Variants in MTA3 observed in about 807,000 individuals in gnomAD.
MTA3 encodes the protein metastasis associated 1 family member 3, also known as metastasis-associated protein MTA3.
In MTA3, 34 loss-of-function variants were observed where a neutral mutation model predicts 83.5. That is an observed-to-expected ratio of 0.41 (90% CI 0.31 to 0.54). The LOEUF (loss-of-function observed/expected upper bound fraction) is 0.54, where lower values mean the gene tolerates loss of function less well. MTA3 is among the 20% of genes least tolerant of loss of function. MTA3 has a pLI of 0.33. For missense variants in MTA3, 761 were observed against 726.4 expected (o/e 1.05, Z -0.55); for synonymous variants, 303 against 252.7 (o/e 1.20, Z -1.89).
Position 42,609,557 on chromosome 2 carries a change from A to G in MTA3, c.290A>G (p.Tyr97Cys), listed in dbSNP as rs1277536681. The part of the protein sequence containing the change: ...KHRELFLSRQ[Y>C]ESLPATHIRG... ...AGGGAACTCTTTTTGTCACGCCAGT[A>G]TGAATCTCTGCCCGCAACACATATC... The change falls in exon 4 of 17, where the codon TAT becomes TGT. Residue 97 changes from tyrosine to cysteine, a missense_variant. Coordinates refer to ENST00000405094, the MANE Select transcript of MTA3 (RefSeq NM_001330442.2). The G allele has an allele frequency of 3.1e-6, 5 of 1,613,886 alleles. No homozygotes were observed. Among genetic ancestry groups the G allele is most frequent in the East Asian group, 2.2e-5 (1 of 44,872 alleles).
chr2:42,674,832 C>T (rs983716287), intron 8 of MTA3, among the ~76,000 whole-genome samples: 2 of 151,524 alleles, frequency 1.3e-5, no homozygotes, highest in Non-Finnish European at 2.9e-5. Flanking sequence ...CTCTTGACCT[C>T]GTGATGATCT....
intron 3 of MTA3, among the ~76,000 whole-genome samples, chr2:42,605,799 C>T (rs1373009877): frequency 1.6e-5 from 2 of 125,532 alleles, no homozygotes; most frequent in Non-Finnish European, 3.4e-5. Context: ...CGGGCAGAGG[C>T]GCCCCTCAGC....
At chr2:42,497,881 A>T (rs1674216760) in intron 2 of MTA3, among the ~76,000 whole-genome samples, 2 of 152,208 alleles carry the variant, frequency 1.3e-5, no homozygotes, top group African/African-American at 4.8e-5. Context: ...GGTTCTAAAT[A>T]AACACAGATT....
intron 16 of MTA3, among the ~76,000 whole-genome samples, chr2:42,728,787 C>G (rs541054419): frequency 6.6e-6 from 1 of 152,084 alleles, no homozygotes; most frequent in Non-Finnish European, 1.5e-5. Flanking sequence ...CACCTTTTGC[C>G]CATTTTTAAT....
intron 9 of MTA3, among the ~76,000 whole-genome samples, chr2:42,695,264 G>A (rs757841843): frequency 2.0e-4 from 31 of 152,102 alleles, no homozygotes; most frequent in Non-Finnish European, 3.8e-4. Flanking sequence ...CGTTTGCTAA[G>A]GATTAATTTT....
chr2:42,651,836 G>A (rs193218524), intron 6 of MTA3, among the ~76,000 whole-genome samples: 3 of 151,328 alleles, frequency 2.0e-5, no homozygotes, highest in Non-Finnish European at 2.9e-5. Flanking sequence ...TGGCTCACTC[G>A]TAATCCCAGC....
chr2:42,704,424 A>G, intron 12 of MTA3, 106 bp downstream of exon 12: 2 of 1,356,402 alleles, frequency 1.5e-6, no homozygotes, highest in Middle Eastern at 2.4e-4. Context: ...CTTGGAAGGC[A>G]CAAGCATGTC....
chr2:42,554,071 C>G (rs1479284831), intron 2 of MTA3, among the ~76,000 whole-genome samples: 5 of 151,562 alleles, frequency 3.3e-5, no homozygotes, highest in Admixed American at 6.6e-5. Context: ...CCGTCTCTAC[C>G]AAAAATACAA....
chr2:42,580,882 C>T (rs1679544114), intron 3 of MTA3, among the ~76,000 whole-genome samples: 1 of 152,178 alleles, frequency 6.6e-6, no homozygotes, highest in Admixed American at 6.5e-5. Context: ...AACCACCCCA[C>T]CCGGCCAGTT....
At chr2:42,520,438 G>C (rs1675371980) in intron 2 of MTA3, among the ~76,000 whole-genome samples, 1 of 152,142 alleles carries the variant, frequency 6.6e-6, no homozygotes, top group Non-Finnish European at 1.5e-5. Context: ...GCTTCAAGAT[G>C]CTGCCCCCAT....
chr2:42,620,722 G>C (rs981723692), intron 4 of MTA3, among the ~76,000 whole-genome samples: 1 of 152,082 alleles, frequency 6.6e-6, no homozygotes, highest in Non-Finnish European at 1.5e-5. Context: ...TTAAACTTCT[G>C]GGTTCAAACA....
At chr2:42,601,677 G>GAAGCCCACCTA (rs1682595132) in intron 3 of MTA3, among the ~76,000 whole-genome samples, 1 of 148,054 alleles carries the variant, frequency 6.8e-6, no homozygotes, top group South Asian at 2.2e-4. Context: ...TTCACGCCAC[G>GAAGCCCACCTA]AAGCCCACCT....
chr2:42,690,044 TG>T (rs1414725140), intron 9 of MTA3, among the ~76,000 whole-genome samples: 8 of 152,206 alleles, frequency 5.3e-5, no homozygotes, highest in Admixed American at 3.9e-4. Context: ...CTTGGGAGCT[TG>T]GGAAACTGAA....
intron 3 of MTA3, among the ~76,000 whole-genome samples, chr2:42,588,138 A>G (rs1352708456): frequency 6.6e-6 from 1 of 151,918 alleles, no homozygotes; most frequent in Admixed American, 6.6e-5. Flanking sequence ...GCTTCCTCTC[A>G]CTCCAATTAG....
intron 16 of MTA3, among the ~76,000 whole-genome samples, chr2:42,727,260 G>A (rs552217503): frequency 1.0e-3 from 152 of 152,302 alleles, no homozygotes; most frequent in Non-Finnish European, 1.8e-3. Flanking sequence ...CTCAGTGCAA[G>A]GAGTCAGTAA....
At chr2:42,652,144 G>T (rs961161452) in intron 6 of MTA3, among the ~76,000 whole-genome samples, 1 of 152,108 alleles carries the variant, frequency 6.6e-6, no homozygotes, top group Non-Finnish European at 1.5e-5. Context: ...GGAGAGCAGG[G>T]TTAGCAAAGG....
rs527507160 is a variant in MTA3 at position 42,606,474 on chromosome 2, A to C, written c.191-2984A>C. 6.2e-3 allele frequency among the ~76,000 whole-genome samples: 916 copies of C among 146,670 alleles called. 8 individuals carry two copies. The highest frequency in any genetic ancestry group is 8.5e-3 in the Non-Finnish European group (573 of 67,036). ...ATCTCAGACGATCTCCTCACATCCC[A>C]GATGATGTGCGGCCGGGCAGAGACG... On this transcript the variant is annotated intron_variant, in intron 3 of 16. Transcript: ENST00000405094.
chr2:42,521,905 C>A (rs1034667158), intron 2 of MTA3, among the ~76,000 whole-genome samples: 1 of 152,076 alleles, frequency 6.6e-6, no homozygotes, highest in Admixed American at 6.5e-5. Flanking sequence ...CAGGCACCTG[C>A]CATCATGTCC....
intron 3 of MTA3, among the ~76,000 whole-genome samples, chr2:42,586,333 C>G (rs1032818903): frequency 6.7e-6 from 1 of 149,916 alleles, no homozygotes; most frequent in Admixed American, 6.7e-5. Flanking sequence ...GCCTGTAATC[C>G]AAGCACTTTT....
Sources: allele counts gnomAD v4.1 joint callset (sites outside exome capture counted in the v4.1 genomes callset), GRCh38; gene constraint gnomAD v4.1.1; transcripts MANE v1.5; gene names NCBI Gene and HGNC (gene_info 2026-07-23, HGNC 2026-07-21).